Variants in NKAIN3 observed in about 807,000 individuals in gnomAD.
The protein encoded by NKAIN3 is sodium/potassium-transporting ATPase subunit beta-1-interacting protein 3.
A neutral mutation model predicts 30.2 loss-of-function variants in NKAIN3; 25 were observed. That is an observed-to-expected ratio of 0.83 (90% CI 0.60 to 1.16). The LOEUF is 1.16. NKAIN3 is among the 50% of genes most tolerant of loss of function. NKAIN3 has a pLI of 0.00. For synonymous variants in NKAIN3, 91 were observed against 89.6 expected (o/e 1.02, Z -0.09); for missense variants, 225 against 254.1 (o/e 0.89, Z 0.78).
At chr8:62,864,695 C>T (rs189485200) in intron 4 of NKAIN3, among the ~76,000 whole-genome samples, 2 of 152,220 alleles carry the variant, frequency 1.3e-5, no homozygotes, top group South Asian at 2.1e-4. Context: ...AGAAGCAGGA[C>T]GGTTTCAGCC....
intron 4 of NKAIN3, among the ~76,000 whole-genome samples, chr8:62,862,802 A>G (rs1464419025): frequency 6.6e-6 from 1 of 152,226 alleles, no homozygotes; most frequent in African/African-American, 2.4e-5. Context: ...TTCCACAGAG[A>G]AGTTAGATAA....
At chr8:62,925,929 A>G (rs778091673) in intron 5 of NKAIN3, among the ~76,000 whole-genome samples, 12 of 152,150 alleles carry the variant, frequency 7.9e-5, no homozygotes, top group Non-Finnish European at 1.6e-4. Flanking sequence ...AGAAGGAGGA[A>G]TCACATCTCC....
At chr8:62,669,757 G>A (rs1813241884) in intron 3 of NKAIN3, among the ~76,000 whole-genome samples, 1 of 152,096 alleles carries the variant, frequency 6.6e-6, no homozygotes, top group Non-Finnish European at 1.5e-5. Context: ...GTGATGGATG[G>A]GGTTGTCAGA....
chr8:62,433,177 A>G (rs892937650), intron 1 of NKAIN3, among the ~76,000 whole-genome samples: 1 of 152,200 alleles, frequency 6.6e-6, no homozygotes, highest in Admixed American at 6.6e-5. Context: ...AACTGAAAAT[A>G]TAGTGTCATT....
At chr8:62,847,696 C>A (rs757315431) in intron 4 of NKAIN3, among the ~76,000 whole-genome samples, 10 of 152,054 alleles carry the variant, frequency 6.6e-5, no homozygotes, top group East Asian at 1.9e-4. Context: ...TAGACCCCAT[C>A]GGTCAATTTT....
chr8:62,345,651 A>G (rs1815978511), intron 1 of NKAIN3, among the ~76,000 whole-genome samples: 1 of 149,652 alleles, frequency 6.7e-6, no homozygotes, highest in African/African-American at 2.5e-5. Flanking sequence ...ATATATACAC[A>G]TATATACATA....
chr8:62,535,507 G>A (rs989316705), intron 1 of NKAIN3, among the ~76,000 whole-genome samples: 24 of 152,086 alleles, frequency 1.6e-4, no homozygotes, highest in African/African-American at 5.3e-4. Flanking sequence ...TCTGACCACC[G>A]GGCTTCAAGT....
chr8:62,949,969 G>C (rs913975042), intron 5 of NKAIN3, among the ~76,000 whole-genome samples: 1 of 151,874 alleles, frequency 6.6e-6, no homozygotes, highest in East Asian at 1.9e-4. Flanking sequence ...TTCTTTTCGT[G>C]TTTCATTGAA....
In NKAIN3 at chr8:62,907,575, A is replaced by G. The variant is rs181449168; in HGVS notation, c.472-10878A>G. 5.3e-5 allele frequency among the ~76,000 whole-genome samples: 8 copies of G among 152,314 alleles called. No homozygotes were observed. In the East Asian group the frequency reaches 1.4e-3, roughly 26 times the overall value. The stretch of plus-strand genomic sequence containing the variant: ...AAAAATGGTTTCATGGGCTGGGCCC[A>G]GGACCTTGCTGCTTTGTACAGTCCG... On this transcript the variant is annotated intron_variant, in intron 4 of 6. Transcript: ENST00000623646.
intron 4 of NKAIN3, among the ~76,000 whole-genome samples, chr8:62,798,757 A>C (rs1053763994): frequency 5.3e-5 from 8 of 152,142 alleles, no homozygotes; most frequent in African/African-American, 1.7e-4. Context: ...GTTTGTGGGC[A>C]TTTTGTTTTT....
chr8:62,284,867 C>A (rs1813325576), intron 1 of NKAIN3, among the ~76,000 whole-genome samples: 1 of 152,106 alleles, frequency 6.6e-6, no homozygotes, highest in African/African-American at 2.4e-5. Context: ...AACTGTGGTT[C>A]AGATTTCCTC....
At chr8:62,327,978 G>A (rs995112921) in intron 1 of NKAIN3, among the ~76,000 whole-genome samples, 1 of 151,874 alleles carries the variant, frequency 6.6e-6, no homozygotes, top group African/African-American at 2.4e-5. Flanking sequence ...AGTTTTCATT[G>A]CAGAGGAATC....
chr8:62,473,878 G>T (rs1163630381), intron 1 of NKAIN3: 1 of 152,118 alleles, frequency 6.6e-6, no homozygotes. Flanking sequence ...ATTTCAGAGA[G>T]GTAAGAAATA....
intron 3 of NKAIN3, among the ~76,000 whole-genome samples, chr8:62,706,794 A>G (rs925467496): frequency 2.0e-5 from 3 of 152,112 alleles, no homozygotes; most frequent in South Asian, 4.2e-4. Flanking sequence ...CCCAAGCAGT[A>G]TACACTTCAC....
intron 1 of NKAIN3, among the ~76,000 whole-genome samples, chr8:62,394,979 G>GGT (rs1183208570): frequency 2.2e-5 from 3 of 138,544 alleles, no homozygotes; most frequent in Non-Finnish European, 1.6e-5. Flanking sequence ...CTTCCCAGAC[G>GGT]GGTCGGCGGC....
chr8:62,292,756 A>G (rs1478873022), intron 1 of NKAIN3, among the ~76,000 whole-genome samples: 2 of 152,098 alleles, frequency 1.3e-5, no homozygotes, highest in East Asian at 3.9e-4. Context: ...TGTTCTCTGT[A>G]TTTCCTGAAT....
At chr8:62,937,259 C>A (rs1822812568) in intron 5 of NKAIN3, among the ~76,000 whole-genome samples, 2 of 152,098 alleles carry the variant, frequency 1.3e-5, no homozygotes, top group Non-Finnish European at 2.9e-5. Flanking sequence ...AGAACTACTG[C>A]AGGAACATAT....
At chr8:62,989,670 C>T (rs1016703915), downstream of NKAIN3, among the ~76,000 whole-genome samples, 1 of 152,138 alleles carries the variant, frequency 6.6e-6, no homozygotes, top group Admixed American at 6.6e-5. Context: ...TGCACTCCAA[C>T]AGAGGGAGAC....
chr8:62,861,410 C>T (rs565669955), intron 4 of NKAIN3, among the ~76,000 whole-genome samples: 1 of 152,304 alleles, frequency 6.6e-6, no homozygotes, highest in African/African-American at 2.4e-5. Flanking sequence ...GTTCTGCATA[C>T]TACCTAGTCC....
Sources: allele counts gnomAD v4.1 joint callset (sites outside exome capture counted in the v4.1 genomes callset), GRCh38; gene constraint gnomAD v4.1.1; transcripts MANE v1.5; gene names NCBI Gene and HGNC (gene_info 2026-07-23, HGNC 2026-07-21).